Variants in ST3GAL3 observed in about 807,000 individuals in gnomAD.
ST3GAL3 encodes ST3 beta-galactoside alpha-2,3-sialyltransferase 3.
Under a neutral mutation model 50.1 loss-of-function variants are expected in ST3GAL3, and 21 were observed. That is an observed-to-expected ratio of 0.42 (90% CI 0.30 to 0.60). ST3GAL3 has a LOEUF of 0.60. ST3GAL3 is among the 20% of genes least tolerant of loss of function. ST3GAL3 has a pLI of 0.19. For missense variants in ST3GAL3, 353 were observed against 489.4 expected (o/e 0.72, Z 2.63); for synonymous variants, 183 against 190.0 (o/e 0.96, Z 0.30).
chr1:43,764,006 A>G (rs575926901), intron 2 of ST3GAL3, among the ~76,000 whole-genome samples: 2 of 152,234 alleles, frequency 1.3e-5, no homozygotes, highest in Admixed American at 6.5e-5. Flanking sequence ...TCATTTCTTA[A>G]CTGTCATTTA....
intron 11 of ST3GAL3, among the ~76,000 whole-genome samples, chr1:43,926,138 C>T (rs982577890): frequency 4.6e-5 from 7 of 152,140 alleles, no homozygotes; most frequent in African/African-American, 1.2e-4. Context: ...GCAGAGAAGT[C>T]CAGGCTGGAA....
intron 9 of ST3GAL3, among the ~76,000 whole-genome samples, chr1:43,907,557 G>A (rs1284998839): frequency 6.6e-6 from 1 of 152,122 alleles, no homozygotes; most frequent in African/African-American, 2.4e-5. Context: ...GCTGCACAGG[G>A]AAAATAAAGG....
intron 2 of ST3GAL3, among the ~76,000 whole-genome samples, chr1:43,775,015 C>T (rs535328761): frequency 4.6e-5 from 7 of 152,244 alleles, no homozygotes; most frequent in South Asian, 2.1e-4. Flanking sequence ...AAGATGCTTA[C>T]GCCACACCTC....
intron 2 of ST3GAL3, among the ~76,000 whole-genome samples, chr1:43,742,635 T>G (rs12733500): frequency 0.022 from 3,406 of 152,342 alleles, 61 homozygotes; most frequent in Non-Finnish European, 0.033. Context: ...TAAGATGGCC[T>G]CAGTGTTGCA....
At chr1:43,763,825 G>A (rs1691498465) in intron 2 of ST3GAL3, among the ~76,000 whole-genome samples, 1 of 152,200 alleles carries the variant, frequency 6.6e-6, no homozygotes. Context: ...TCTGCCTTAT[G>A]TTCCAGGCTC....
Position 43,749,025 on chromosome 1 carries a change from A to G in ST3GAL3, c.118+12645A>G, listed in dbSNP as rs558129390. Among the ~76,000 whole-genome samples, 498 of 152,348 alleles carry G rather than the reference A, an allele frequency of 3.3e-3. 2 individuals carry two copies. Among genetic ancestry groups the G allele is most frequent in the African/African-American group, 0.011 (473 of 41,584 alleles). Reference sequence around the variant, plus strand: ...TACAGTATTGGTGAAAGATCAGTAGACAGAATAGAGTCCAGAAATAGACCA... The same window carrying G: ...TACAGTATTGGTGAAAGATCAGTAGGCAGAATAGAGTCCAGAAATAGACCA... On this transcript the variant is annotated intron_variant, in intron 2 of 11. Transcript: ENST00000347631.
intron 1 of ST3GAL3, among the ~76,000 whole-genome samples, chr1:43,714,924 T>G (rs1478078216): frequency 6.6e-6 from 1 of 152,226 alleles, no homozygotes; most frequent in African/African-American, 2.4e-5. Context: ...CCTGTAGAAC[T>G]TAATTTATGT....
intron 4 of ST3GAL3, among the ~76,000 whole-genome samples, chr1:43,827,893 C>T (rs1237887370): frequency 1.3e-5 from 2 of 152,012 alleles, no homozygotes; most frequent in East Asian, 1.9e-4. Flanking sequence ...AGTCATTTTT[C>T]GAATATCAAC....
chr1:43,872,213 G>A (rs1463071884), intron 5 of ST3GAL3, among the ~76,000 whole-genome samples: 9 of 98,184 alleles, frequency 9.2e-5, no homozygotes, highest in Admixed American at 9.7e-5. Flanking sequence ...TATTGAGAGG[G>A]GTGTGGGGGG....
chr1:43,813,860 G>GAC lies in ST3GAL3; in HGVS notation c.167-998_167-997dup, dbSNP rs57947852. Among the ~76,000 whole-genome samples the GAC allele has an allele frequency of 9.7e-3, 1,408 of 144,592 alleles. 13 individuals are homozygous for GAC. The highest frequency in any genetic ancestry group is 0.013 in the Admixed American group (194 of 14,412). The allele number at this position is 144,592 out of a possible 152,430, so 94.9% of individuals were successfully genotyped here. A position where few individuals can be genotyped will look rare whatever the true frequency, so the allele number is the denominator to read the frequency against. Reference sequence around the variant, plus strand: ...CATAGGCCACTTTATTTTTTGGCTAGACACACACACACACACACACACACA... The same window carrying GAC: ...CATAGGCCACTTTATTTTTTGGCTAGACACACACACACACACACACACACACA... On this transcript the variant is annotated intron_variant, in intron 3 of 11. Coordinates refer to ENST00000347631, the MANE Select transcript of ST3GAL3 (RefSeq NM_006279.5).
chr1:43,722,543 T>C (rs1670984589), intron 1 of ST3GAL3, among the ~76,000 whole-genome samples: 1 of 152,168 alleles, frequency 6.6e-6, no homozygotes, highest in Non-Finnish European at 1.5e-5. Context: ...CAAGAATGGA[T>C]GTAGGAGGCT....
rs112829626 is a variant in ST3GAL3 at position 43,931,053 on chromosome 1, G to C, written c.*832G>C. 8.2e-3 allele frequency: 1,255 copies of C among 153,074 alleles called. 13 individuals carry two copies. The highest frequency in any genetic ancestry group is 0.012 in the Non-Finnish European group (787 of 68,290). The allele number at this position is 153,074 out of a possible 1,614,324, so 9.5% of individuals were successfully genotyped here. ...AGCAACAAGACTGCCAGGTGGTTGG[G>C]TTCTGCCTTTAGCCTGGACCAAAGG... is the stretch of plus-strand genomic sequence containing the variant. On this transcript the variant is annotated 3_prime_UTR_variant, in exon 12 of 12. Transcript: ENST00000347631.
At chr1:43,768,793 G>A (rs540038941) in intron 2 of ST3GAL3, among the ~76,000 whole-genome samples, 2 of 152,162 alleles carry the variant, frequency 1.3e-5, no homozygotes, top group African/African-American at 4.8e-5. Context: ...AAACCCAGAG[G>A]GCTTCACTGG....
chr1:43,736,476 G>A (rs375313550), intron 2 of ST3GAL3, 96 bp downstream of exon 2: 12 of 1,606,676 alleles, frequency 7.5e-6, no homozygotes, highest in African/African-American at 1.3e-5. Flanking sequence ...TCAGAGATGG[G>A]CAATGAGAGT....
chr1:43,865,410 T>G (rs2154239732), intron 5 of ST3GAL3, among the ~76,000 whole-genome samples: 1 of 152,318 alleles, frequency 6.6e-6, no homozygotes, highest in South Asian at 2.1e-4. Flanking sequence ...GAATTTGTAG[T>G]ATCTATACCT....
intron 4 of ST3GAL3, among the ~76,000 whole-genome samples, chr1:43,815,882 G>GA (rs1299085621): frequency 1.4e-5 from 2 of 145,238 alleles, no homozygotes; most frequent in African/African-American, 5.4e-5. Context: ...TGAATGCTTG[G>GA]TTGGATGGAT....
intron 4 of ST3GAL3, among the ~76,000 whole-genome samples, chr1:43,816,237 A>G (rs1294303699): frequency 1.3e-5 from 2 of 152,214 alleles, no homozygotes; most frequent in African/African-American, 4.8e-5. Flanking sequence ...CCTACGTACA[A>G]GACATCAAAC....
chr1:43,896,630 A>C (rs1383231262), intron 6 of ST3GAL3: 3 of 152,216 alleles, frequency 2.0e-5, no homozygotes, highest in African/African-American at 7.2e-5. Context: ...CTGCAACCTC[A>C]ACTCCAGCGC....
At chr1:43,822,426 A>G (rs560172851) in intron 4 of ST3GAL3, among the ~76,000 whole-genome samples, 16 of 152,352 alleles carry the variant, frequency 1.1e-4, no homozygotes, top group Non-Finnish European at 2.2e-4. Flanking sequence ...CCATGTGGGC[A>G]AGAGCATGGG....
Sources: gnomAD v4.1 joint callset for allele counts (sites outside exome capture counted in the v4.1 genomes callset) on GRCh38, gnomAD v4.1.1 for gene constraint, MANE v1.5 for transcripts, NCBI Gene and HGNC (gene_info 2026-07-23, HGNC 2026-07-21) for gene names.